Variants in PTPN20 observed in about 807,000 individuals in gnomAD.
The protein encoded by PTPN20 is protein tyrosine phosphatase non-receptor type 20, also known as tyrosine-protein phosphatase non-receptor type 20.
In PTPN20, 9 loss-of-function variants were observed where a neutral mutation model predicts 35.0. The observed-to-expected ratio is 0.26, with a 90% CI of 0.15 to 0.45. PTPN20 has a LOEUF of 0.45. Among genes scored for constraint, PTPN20 ranks in the 20% least tolerant of loss-of-function variants. The pLI is 1.00. For missense variants in PTPN20, 111 were observed against 312.5 expected (o/e 0.36, Z 4.86); for synonymous variants, 32 against 100.2 (o/e 0.32, Z 4.06).
In PTPN20 at chr10:46,940,658, G is replaced by C. The variant is rs2043184057; in HGVS notation, c.70G>C (p.Asp24His). ...TGAGGGAAATGACTCTGAAGCAGAA[G>C]ACTTGAATTTCAGGGAGACTTTGCC... is the stretch of plus-strand genomic sequence containing the variant. ...DYEGNDSEAE[D>H]LNFRETLPSS... is the part of the protein sequence containing the mutation. The change falls in exon 3 of 11, where the codon GAC becomes CAC. Residue 24 changes from aspartate to histidine, a missense_variant. Asp to His is a moderately conservative substitution (Grantham distance 81). Transcript: ENST00000374339. The C allele has an allele frequency of 6.2e-7, 1 of 1,611,254 alleles. No individual in the cohort carries two copies. Among genetic ancestry groups the C allele is most frequent in the South Asian group, 1.1e-5 (1 of 90,982 alleles).
At chr10:46,938,395 G>A (rs2042431740) in intron 2 of PTPN20, among the ~76,000 whole-genome samples, 1 of 64,790 alleles carries the variant, frequency 1.5e-5, no homozygotes, top group South Asian at 6.8e-4. Context: ...TTAGTACTAA[G>A]AGGTATCTCT....
Position 46,933,374 on chromosome 10 carries a change from T to C in PTPN20, c.34+841T>C, listed in dbSNP as rs1325089033. Reference sequence around the variant, plus strand: ...TAGCAAATATCATTACAATACAGTATTGTATGTATTTTGCTATACATCAGA... The same window carrying C: ...TAGCAAATATCATTACAATACAGTACTGTATGTATTTTGCTATACATCAGA... On this transcript the variant is annotated intron_variant, in intron 2 of 10. Transcript: ENST00000374339. Among the ~76,000 whole-genome samples the C allele has an allele frequency of 2.0e-3, 300 of 152,136 alleles. 8 individuals are homozygous for C. The East Asian group carries it at 0.048, about 24-fold the overall frequency.
intron 5 of PTPN20, among the ~76,000 whole-genome samples, chr10:46,949,008 T>C (rs1343573422): frequency 6.6e-6 from 1 of 150,736 alleles, no homozygotes; most frequent in African/African-American, 2.5e-5. Context: ...CTGCACCTTC[T>C]CCAGGAATAG....
At chr10:46,976,418 T>A (rs1264244605) in intron 7 of PTPN20, among the ~76,000 whole-genome samples, 11 of 102,762 alleles carry the variant, frequency 1.1e-4, no homozygotes, top group Non-Finnish European at 2.2e-4. Context: ...TTTTTTTTTT[T>A]ATCCTGATAA....
chr10:46,948,561 G>A (rs2045704021), intron 5 of PTPN20, among the ~76,000 whole-genome samples: 2 of 147,008 alleles, frequency 1.4e-5, no homozygotes. Flanking sequence ...CATTACCTAT[G>A]GTGAACCATT....
Position 47,001,505 on chromosome 10 carries a change from G to T in PTPN20, c.*764G>T, listed in dbSNP as rs2060030749. 6.6e-6 allele frequency: 1 copy of T among 152,128 alleles called. No homozygotes were observed. The highest frequency in any genetic ancestry group is 2.1e-4 in the South Asian group (1 of 4,816). 9.4% of individuals were successfully genotyped at this position (152,128 alleles called of 1,614,324 possible). On this transcript the variant is annotated 3_prime_UTR_variant, in exon 11 of 11. Coordinates refer to ENST00000374339, the MANE Select transcript of PTPN20 (RefSeq NM_001042357.5). ...TAACACTTAACATATTACTTAGTCT[G>T]CTTTGTTAAAAGCAAGTATTACCTT...
At chr10:46,966,470 T>C (rs1283937067) in intron 6 of PTPN20, among the ~76,000 whole-genome samples, 10 of 150,298 alleles carry the variant, frequency 6.7e-5, no homozygotes, top group African/African-American at 2.4e-4. Flanking sequence ...TTCATGTTTT[T>C]TTCTAGTACC....
chr10:47,003,527 G>A (rs1452772874), downstream of PTPN20, among the ~76,000 whole-genome samples: 2 of 151,066 alleles, frequency 1.3e-5, no homozygotes, highest in African/African-American at 4.8e-5. Flanking sequence ...AGATAACTAT[G>A]TAAAAATTAA....
At chr10:46,999,409 C>G (rs946049649) in intron 9 of PTPN20, among the ~76,000 whole-genome samples, 42 of 152,160 alleles carry the variant, frequency 2.8e-4, no homozygotes, top group Non-Finnish European at 5.4e-4. Flanking sequence ...TTTCTTGACT[C>G]ATTGTGGACC....
chr10:46,999,863 T>C, intron 9 of PTPN20, 49 bp from the exon 10 acceptor site: 3 of 1,603,536 alleles, frequency 1.9e-6, no homozygotes, highest in Non-Finnish European at 2.6e-6. Context: ...TGTGAATTTG[T>C]GTTTTTCCCC....
intron 7 of PTPN20, among the ~76,000 whole-genome samples, chr10:46,976,683 T>C (rs1165571028): frequency 1.4e-5 from 2 of 146,956 alleles, no homozygotes; most frequent in Non-Finnish European, 3.0e-5. Flanking sequence ...AACCCTTTAA[T>C]TGATCTTCCT....
intron 5 of PTPN20, among the ~76,000 whole-genome samples, chr10:46,957,605 C>T (rs1224094646): frequency 6.6e-6 from 1 of 151,780 alleles, no homozygotes; most frequent in Non-Finnish European, 1.5e-5. Flanking sequence ...GTAGCAGTTG[C>T]CTGTAATCCC....
chr10:46,993,857 TG>T (rs1406042804), intron 9 of PTPN20, among the ~76,000 whole-genome samples: 1 of 152,230 alleles, frequency 6.6e-6, no homozygotes, highest in Non-Finnish European at 1.5e-5. Context: ...ATTCTGGTTT[TG>T]TCCATGTTGT....
intron 5 of PTPN20, among the ~76,000 whole-genome samples, chr10:46,949,409 A>G (rs1309117543): frequency 6.6e-6 from 1 of 152,210 alleles, no homozygotes; most frequent in East Asian, 1.9e-4. Flanking sequence ...AGTGCCTGGT[A>G]TCTCTTTCTC....
intron 9 of PTPN20, among the ~76,000 whole-genome samples, chr10:46,996,853 G>A (rs969474088): frequency 2.0e-5 from 3 of 152,028 alleles, no homozygotes; most frequent in Admixed American, 6.5e-5. Flanking sequence ...TCCTTCTGCC[G>A]GTACCACCCT....
chr10:46,993,203 G>A (rs1370843822), intron 9 of PTPN20, among the ~76,000 whole-genome samples: 2 of 152,190 alleles, frequency 1.3e-5, no homozygotes, highest in Non-Finnish European at 2.9e-5. Flanking sequence ...AAGGGGTAGC[G>A]ATGATCCCCT....
intron 9 of PTPN20, among the ~76,000 whole-genome samples, chr10:46,997,062 A>G (rs570608545): frequency 0.026 from 3,941 of 152,284 alleles, 56 homozygotes; most frequent in African/African-American, 0.038. Flanking sequence ...GTTTAATTGG[A>G]GAGAGCTGAT....
At chr10:46,931,610 C>G (rs1589273655) in intron 1 of PTPN20, among the ~76,000 whole-genome samples, 1 of 143,736 alleles carries the variant, frequency 7.0e-6, no homozygotes, top group South Asian at 2.1e-4. Context: ...TGGTCTCAAA[C>G]TCCTGAGCTC....
chr10:46,954,541 AGTT>A (rs2047869847), intron 5 of PTPN20, among the ~76,000 whole-genome samples: 1 of 143,562 alleles, frequency 7.0e-6, no homozygotes, highest in South Asian at 2.3e-4. Context: ...ATGGGACTAG[AGTT>A]GTTTGTAATA....
Sources: gnomAD v4.1 joint callset for allele counts (sites outside exome capture counted in the v4.1 genomes callset) on GRCh38, gnomAD v4.1.1 for gene constraint, MANE v1.5 for transcripts, NCBI Gene and HGNC (gene_info 2026-07-23, HGNC 2026-07-21) for gene names.